The following DPH6 variants were observed in gnomAD, a reference collection of about 807,000 sequenced individuals.
The protein encoded by DPH6 is diphthine--ammonia ligase.
In DPH6, 33 loss-of-function variants were observed where a neutral mutation model predicts 38.2. That is an observed-to-expected ratio of 0.86 (90% CI 0.65 to 1.15). The LOEUF is 1.15. DPH6 is among the 50% of genes most tolerant of loss of function. The pLI, the probability that DPH6 is intolerant of heterozygous loss-of-function variation, is 0.00. For missense variants in DPH6, 325 were observed against 320.0 expected, an observed-to-expected ratio of 1.02 and a Z score of -0.12; for synonymous variants, 108 against 103.0, an observed-to-expected ratio of 1.05 and a Z score of -0.30.
intron 7 of DPH6, among the ~76,000 whole-genome samples, chr15:35,381,189 T>G (rs574160375): frequency 2.8e-4 from 42 of 152,324 alleles, no homozygotes; most frequent in African/African-American, 1.0e-3. Flanking sequence ...GAAAAGCAGA[T>G]AGTGTTCTCT....
intron 3 of DPH6, among the ~76,000 whole-genome samples, chr15:35,530,683 G>A (rs1387728016): frequency 6.6e-6 from 1 of 152,146 alleles, no homozygotes; most frequent in Non-Finnish European, 1.5e-5. Context: ...GCTTTAGGGG[G>A]AATTTATAGA....
intron 3 of DPH6, among the ~76,000 whole-genome samples, chr15:35,256,962 C>G (rs1273322597): frequency 6.6e-6 from 1 of 152,144 alleles, no homozygotes; most frequent in Non-Finnish European, 1.5e-5. Flanking sequence ...TAAAAAGAGT[C>G]TGTTGGTAAA....
At chr15:35,397,862 T>TACAC (rs2053159817) in intron 6 of DPH6, among the ~76,000 whole-genome samples, 1 of 89,082 alleles carries the variant, frequency 1.1e-5, no homozygotes, top group African/African-American at 5.3e-5. Flanking sequence ...AATCAATTTA[T>TACAC]ATATATACAC....
Position 35,423,712 on chromosome 15 carries a change from T to C in DPH6, c.506-12816A>G, listed in dbSNP as rs796614888. Among the ~76,000 whole-genome samples the C allele has an allele frequency of 2.0e-4, 31 of 151,866 alleles. 1 individual carries two copies. Among genetic ancestry groups the C allele is most frequent in the African/African-American group, 7.2e-4 (30 of 41,530 alleles). ...TTTTAAATCCATTTTGAGTTGAATA[T>C]GGTGTGAGATAAGGGTTTTAAATCT... On this transcript the variant is annotated intron_variant, in intron 5 of 8. Transcript: ENST00000256538.
chr15:35,477,001 C>T (rs1356843647), intron 3 of DPH6, among the ~76,000 whole-genome samples: 1 of 151,674 alleles, frequency 6.6e-6, no homozygotes, highest in Non-Finnish European at 1.5e-5. Flanking sequence ...AAAACAAATA[C>T]ATTTGCAAAT....
intron 3 of DPH6, among the ~76,000 whole-genome samples, chr15:35,338,250 C>T (rs1250350182): frequency 6.6e-6 from 1 of 151,962 alleles, no homozygotes; most frequent in Non-Finnish European, 1.5e-5. Flanking sequence ...AGGCAACCTA[C>T]AAAATGGGAG....
chr15:35,279,906 T>A (rs1052415063), intron 3 of DPH6, among the ~76,000 whole-genome samples: 1 of 152,162 alleles, frequency 6.6e-6, no homozygotes, highest in African/African-American at 2.4e-5. Context: ...AATGAAGTCA[T>A]AAAGCTAATC....
At chr15:35,355,187 G>C (rs1437047401) in intron 3 of DPH6, among the ~76,000 whole-genome samples, 1 of 152,140 alleles carries the variant, frequency 6.6e-6, no homozygotes, top group East Asian at 1.9e-4. Flanking sequence ...GTCTCTGCAT[G>C]TGAGATGGGT....
At chr15:35,341,907 C>G (rs1174632808) in intron 3 of DPH6, among the ~76,000 whole-genome samples, 2 of 152,198 alleles carry the variant, frequency 1.3e-5, no homozygotes, top group Non-Finnish European at 2.9e-5. Context: ...GTGTGCTGCA[C>G]TGGGGGGCAC....
intron 7 of DPH6, among the ~76,000 whole-genome samples, chr15:35,381,533 A>C (rs1231106581): frequency 6.6e-6 from 1 of 152,218 alleles, no homozygotes; most frequent in African/African-American, 2.4e-5. Flanking sequence ...CACTTCATGA[A>C]AGGATAAAAG....
intron 6 of DPH6, among the ~76,000 whole-genome samples, chr15:35,394,981 G>T (rs1426172842): frequency 7.0e-6 from 1 of 143,680 alleles, no homozygotes; most frequent in African/African-American, 2.7e-5. Context: ...TCTTTAGCCT[G>T]AACATGTCAA....
intron 3 of DPH6, among the ~76,000 whole-genome samples, chr15:35,524,993 CA>C (rs1281315449): frequency 6.6e-6 from 1 of 152,022 alleles, no homozygotes; most frequent in Non-Finnish European, 1.5e-5. Context: ...AGGAAATACA[CA>C]ACAAAAAAAT....
intron 4 of DPH6, among the ~76,000 whole-genome samples, chr15:35,451,084 A>G (rs2053927355): frequency 6.6e-6 from 1 of 152,194 alleles, no homozygotes; most frequent in African/African-American, 2.4e-5. Flanking sequence ...AGAATTTACA[A>G]ATGCCAGTAT....
At chr15:35,306,598 G>A (rs923319497) in intron 3 of DPH6, among the ~76,000 whole-genome samples, 47 of 152,156 alleles carry the variant, frequency 3.1e-4, no homozygotes, top group African/African-American at 1.1e-3. Context: ...ATTGTACCAC[G>A]TCTCTCAACC....
rs541002285 is a variant in DPH6 at position 35,394,823 on chromosome 15, T to A, written c.568-12907A>T. ...CGTCTAGCACATAACATATACTCAA[T>A]AAAGGGGCTGCTAATTTTATTTTTT... is the stretch of plus-strand genomic sequence containing the variant. On this transcript the variant is annotated intron_variant, in intron 6 of 8. Coordinates refer to ENST00000256538, the MANE Select transcript of DPH6 (RefSeq NM_080650.4). 4.6e-5 allele frequency among the ~76,000 whole-genome samples: 7 copies of A among 152,264 alleles called. No homozygotes were observed. The South Asian group carries it at 1.5e-3, about 32-fold the overall frequency.
intron 5 of DPH6, among the ~76,000 whole-genome samples, chr15:35,416,183 C>T (rs940244934): frequency 6.6e-6 from 1 of 151,944 alleles, no homozygotes; most frequent in East Asian, 1.9e-4. Flanking sequence ...AGAGAGTTTA[C>T]AAATTTGCGT....
chr15:35,395,385 T>C (rs112417683), intron 6 of DPH6, among the ~76,000 whole-genome samples: 29 of 152,320 alleles, frequency 1.9e-4, no homozygotes, highest in Middle Eastern at 3.4e-3. Flanking sequence ...TGAGATTTCT[T>C]TCAGTAATAT....
intron 3 of DPH6, among the ~76,000 whole-genome samples, chr15:35,515,626 C>T (rs190417841): frequency 1.7e-3 from 242 of 143,326 alleles, no homozygotes; most frequent in African/African-American, 6.0e-3. Context: ...GAGGCTGAGG[C>T]GGGAGAATGG....
the DPH6 span, among the ~76,000 whole-genome samples, chr15:35,200,406 G>A: frequency 6.6e-6 from 1 of 152,050 alleles, no homozygotes; most frequent in Non-Finnish European, 1.5e-5. Flanking sequence ...TTAGATACTA[G>A]CATTGAAACT....
Sources: allele counts gnomAD v4.1 joint callset (sites outside exome capture counted in the v4.1 genomes callset), GRCh38; gene constraint gnomAD v4.1.1; transcripts MANE v1.5; gene names NCBI Gene and HGNC (gene_info 2026-07-23, HGNC 2026-07-21).